ENTREP2: variants seen among roughly 807,000 people sequenced by gnomAD.
ENTREP2 encodes the protein protein ENTREP2.
At chr15:29,211,924 GGTCTGTAGTTTT>G in the ENTREP2 span, among the ~76,000 whole-genome samples, 1 of 152,138 alleles carries the variant, frequency 6.6e-6, no homozygotes, top group Non-Finnish European at 1.5e-5. Context: ...CAAGAATATA[GGTCTGTAGTTTT>G]CTTTTTTGGT....
the ENTREP2 span, among the ~76,000 whole-genome samples, chr15:29,465,860 T>C: frequency 2.0e-5 from 3 of 152,224 alleles, no homozygotes; most frequent in African/African-American, 7.2e-5. Context: ...GACATCAGGG[T>C]ATACCTAACA....
the ENTREP2 span, among the ~76,000 whole-genome samples, chr15:29,561,464 G>A: frequency 2.0e-5 from 3 of 152,184 alleles, no homozygotes; most frequent in East Asian, 1.9e-4. Flanking sequence ...GAGGCAGGCC[G>A]ATCACGAGGT....
chr15:29,196,550 A>G, the ENTREP2 span: 10 of 1,551,034 alleles, frequency 6.4e-6, no homozygotes, highest in African/African-American at 6.8e-5. Context: ...ACACCTCCAC[A>G]CTGTCAAACT....
At chr15:29,266,206 G>A in the ENTREP2 span, 2 of 152,210 alleles carry the variant, frequency 1.3e-5, no homozygotes, top group Non-Finnish European at 2.9e-5. Context: ...AACATTACTA[G>A]TAAGCAACAG....
At chr15:29,653,906 TA>T in the ENTREP2 span, among the ~76,000 whole-genome samples, 1 of 152,204 alleles carries the variant, frequency 6.6e-6, no homozygotes, top group Non-Finnish European at 1.5e-5. Context: ...TCTGGATTTT[TA>T]AATGCATCTC....
chr15:29,577,627 T>C, the ENTREP2 span, among the ~76,000 whole-genome samples: 2 of 152,168 alleles, frequency 1.3e-5, no homozygotes, highest in Non-Finnish European at 2.9e-5. Context: ...GTGCTGGGAT[T>C]ACAGGCATAA....
the ENTREP2 span, among the ~76,000 whole-genome samples, chr15:29,546,529 A>G: frequency 6.6e-6 from 1 of 152,190 alleles, no homozygotes; most frequent in African/African-American, 2.4e-5. Context: ...ACCAATCGCC[A>G]CTTTGTGAAA....
At chr15:29,526,670 ATATTGCCCAGGCTGG>A in the ENTREP2 span, among the ~76,000 whole-genome samples, 4 of 151,302 alleles carry the variant, frequency 2.6e-5, no homozygotes, top group Admixed American at 6.6e-5. Flanking sequence ...TGTCTTAACG[ATATTGCCCAGGCTGG>A]TCTCAAACTC....
chr15:29,491,443 T>C, the ENTREP2 span, among the ~76,000 whole-genome samples: 3 of 152,194 alleles, frequency 2.0e-5, no homozygotes, highest in African/African-American at 7.2e-5. Flanking sequence ...TCTAGACTTG[T>C]TGAGTGTGAG....
the ENTREP2 span, among the ~76,000 whole-genome samples, chr15:29,247,848 T>C: frequency 6.6e-6 from 1 of 152,178 alleles, no homozygotes; most frequent in Non-Finnish European, 1.5e-5. Context: ...TTGACTCTAA[T>C]GCAAACAGAC....
the ENTREP2 span, among the ~76,000 whole-genome samples, chr15:29,425,541 C>T: frequency 9.9e-5 from 15 of 152,100 alleles, no homozygotes; most frequent in Admixed American, 9.8e-4. Flanking sequence ...CTTTTTACCC[C>T]AATCTAAAAG....
the ENTREP2 span, among the ~76,000 whole-genome samples, chr15:29,493,499 G>A: frequency 6.6e-6 from 1 of 152,066 alleles, no homozygotes; most frequent in South Asian, 2.1e-4. Context: ...GCTTAATGCT[G>A]AGCATTTAAA....
chr15:29,657,659 C>T, the ENTREP2 span, among the ~76,000 whole-genome samples: 1 of 151,898 alleles, frequency 6.6e-6, no homozygotes, highest in African/African-American at 2.4e-5. Flanking sequence ...CTGATTGGTG[C>T]GTTTTACAGA....
chr15:29,288,158 C>T, the ENTREP2 span, among the ~76,000 whole-genome samples: 1 of 152,152 alleles, frequency 6.6e-6, no homozygotes. Context: ...AACTCTGTGA[C>T]CCTGAGGTAG....
the ENTREP2 span, among the ~76,000 whole-genome samples, chr15:29,643,931 T>G: frequency 6.6e-6 from 1 of 152,174 alleles, no homozygotes; most frequent in African/African-American, 2.4e-5. Flanking sequence ...TAATTCCATT[T>G]GTAGGCGTAT....
chr15:29,320,425 G>C, the ENTREP2 span, among the ~76,000 whole-genome samples: 1 of 152,182 alleles, frequency 6.6e-6, no homozygotes, highest in East Asian at 1.9e-4. Context: ...TCACAGGTAA[G>C]GCCTGTTTCC....
At chr15:29,183,530 A>G in the ENTREP2 span, among the ~76,000 whole-genome samples, 2 of 152,240 alleles carry the variant, frequency 1.3e-5, no homozygotes, top group South Asian at 2.1e-4. Context: ...GGAACAACCC[A>G]GTGTCCATGA....
chr15:29,164,664 G>A, the ENTREP2 span, among the ~76,000 whole-genome samples: 2 of 152,032 alleles, frequency 1.3e-5, no homozygotes, highest in East Asian at 1.9e-4. Context: ...ACACTGGAGC[G>A]CCAAAATTTA....
At chr15:29,480,415 T>A in the ENTREP2 span, among the ~76,000 whole-genome samples, 1 of 133,920 alleles carries the variant, frequency 7.5e-6, no homozygotes, top group African/African-American at 2.9e-5. Context: ...CCTAAGGAGA[T>A]AGCTTCCCTC....
Sources: allele counts gnomAD v4.1 joint callset (sites outside exome capture counted in the v4.1 genomes callset), GRCh38; gene constraint gnomAD v4.1.1; transcripts MANE v1.5; gene names NCBI Gene and HGNC (gene_info 2026-07-23, HGNC 2026-07-21).